The following KCNH1 variants were observed in gnomAD, a reference collection of about 807,000 sequenced individuals.
KCNH1 encodes voltage-gated delayed rectifier potassium channel KCNH1.
Under a neutral mutation model 69.2 loss-of-function variants are expected in KCNH1, and 27 were observed. That is an observed-to-expected ratio of 0.39 (90% CI 0.29 to 0.54). The LOEUF is 0.54. KCNH1 is among the 20% of genes least tolerant of loss of function. KCNH1 has a pLI of 0.68. For missense variants in KCNH1, 798 were observed against 1,261.6 expected, an observed-to-expected ratio of 0.63 and a Z score of 5.57; for synonymous variants, 456 against 487.7, an observed-to-expected ratio of 0.93 and a Z score of 0.86.
At chr1:210,714,644 G>A (rs1182679596) in intron 10 of KCNH1, among the ~76,000 whole-genome samples, 1 of 152,172 alleles carries the variant, frequency 6.6e-6, no homozygotes, top group Non-Finnish European at 1.5e-5. Context: ...GTAACCCATG[G>A]CGCTTGTGTG....
intron 6 of KCNH1, among the ~76,000 whole-genome samples, chr1:210,943,881 A>G (rs1012979565): frequency 1.1e-4 from 16 of 152,342 alleles, no homozygotes; most frequent in South Asian, 1.0e-3. Flanking sequence ...TACCCAGGGC[A>G]GTACCTGTGT....
chr1:210,804,422 A>T (rs1370380876), intron 7 of KCNH1, among the ~76,000 whole-genome samples: 1 of 152,224 alleles, frequency 6.6e-6, no homozygotes, highest in Non-Finnish European at 1.5e-5. Flanking sequence ...GTGAGCTGGC[A>T]TGGCCGGGGC....
chr1:210,750,224 C>T (rs1683253958), intron 10 of KCNH1, among the ~76,000 whole-genome samples: 1 of 152,186 alleles, frequency 6.6e-6, no homozygotes, highest in Non-Finnish European at 1.5e-5. Flanking sequence ...AACAATAATA[C>T]CAACCTCATA....
chr1:210,800,868 A>G (rs1684414240), intron 8 of KCNH1, among the ~76,000 whole-genome samples: 1 of 152,236 alleles, frequency 6.6e-6, no homozygotes, highest in Admixed American at 6.5e-5. Context: ...AGGCGTTAGG[A>G]TCAGGTAGAA....
chr1:210,824,074 T>TATAC (rs1384255102), intron 7 of KCNH1, among the ~76,000 whole-genome samples: 2 of 152,260 alleles, frequency 1.3e-5, no homozygotes, highest in East Asian at 1.9e-4. Flanking sequence ...GTGTTGAGAC[T>TATAC]ATACACATGA....
chr1:211,079,031 G>A (rs928907346), intron 5 of KCNH1, among the ~76,000 whole-genome samples: 11 of 151,808 alleles, frequency 7.2e-5, no homozygotes, highest in African/African-American at 2.7e-4. Flanking sequence ...CCAGGAGCTG[G>A]TTTTTTGAAA....
At chr1:210,862,144 T>A in intron 7 of KCNH1, 1 of 1,332,572 alleles carries the variant, frequency 7.5e-7, no homozygotes, top group Non-Finnish European at 1.1e-6. Flanking sequence ...TAAATCCAGC[T>A]GTTCCGACAT....
chr1:211,084,227 C>T (rs926592022), intron 4 of KCNH1, among the ~76,000 whole-genome samples: 2 of 65,606 alleles, frequency 3.0e-5, no homozygotes, highest in Non-Finnish European at 8.3e-5. Flanking sequence ...GAACTATGAA[C>T]TAAGATTTTT....
chr1:210,841,738 TC>T (rs1685415134), intron 7 of KCNH1, among the ~76,000 whole-genome samples: 1 of 152,126 alleles, frequency 6.6e-6, no homozygotes, highest in Non-Finnish European at 1.5e-5. Context: ...AGTAGGTTTT[TC>T]CCCTGTGTAT....
In KCNH1 at chr1:211,027,568, T is replaced by C. The variant is rs1462304752; in HGVS notation, c.559-8312A>G. ...GGAGTGAGCCATGATCACTCTAGTG[T>C]AGGCAACAAAGTGGGCAACCCTGTC... On this transcript the variant is annotated intron_variant, in intron 5 of 10. Coordinates refer to ENST00000271751, the MANE Select transcript of KCNH1 (RefSeq NM_172362.3). 2.0e-5 allele frequency among the ~76,000 whole-genome samples: 3 copies of C among 150,126 alleles called. No homozygotes were observed. The East Asian group carries it at 5.9e-4, about 30-fold the overall frequency.
At chr1:211,132,664 A>G (rs563532960) in intron 1 of KCNH1, 2 of 152,338 alleles carry the variant, frequency 1.3e-5, no homozygotes, top group African/African-American at 4.8e-5. Flanking sequence ...AAATCCAAAC[A>G]GAAGCTCATC....
At chr1:210,704,663 A>G (rs1470129884) in intron 10 of KCNH1, among the ~76,000 whole-genome samples, 1 of 152,266 alleles carries the variant, frequency 6.6e-6, no homozygotes, top group Non-Finnish European at 1.5e-5. Context: ...GACAAGATCC[A>G]TGGCTCTTCC....
At chr1:210,966,899 A>G (rs1470072083) in intron 6 of KCNH1, among the ~76,000 whole-genome samples, 1 of 152,230 alleles carries the variant, frequency 6.6e-6, no homozygotes, top group Non-Finnish European at 1.5e-5. Flanking sequence ...TCATTCTACT[A>G]TAAAGACACA....
intron 7 of KCNH1, among the ~76,000 whole-genome samples, chr1:210,876,260 G>C (rs1224995692): frequency 1.3e-5 from 2 of 152,174 alleles, no homozygotes; most frequent in Non-Finnish European, 2.9e-5. Flanking sequence ...TGTGGATTCA[G>C]TGATATACAA....
At chr1:211,002,724 A>G (rs891233639) in intron 6 of KCNH1, among the ~76,000 whole-genome samples, 3 of 152,216 alleles carry the variant, frequency 2.0e-5, no homozygotes, top group Non-Finnish European at 2.9e-5. Context: ...CAAACTGAAG[A>G]GTATCAGGAA....
intron 3 of KCNH1, among the ~76,000 whole-genome samples, chr1:211,101,836 C>A (rs1367014371): frequency 1.3e-5 from 2 of 152,210 alleles, no homozygotes; most frequent in African/African-American, 4.8e-5. Flanking sequence ...ATGCCTTACA[C>A]AAAGCTTATT....
chr1:210,954,386 G>C (rs1688127012), intron 6 of KCNH1, among the ~76,000 whole-genome samples: 1 of 152,076 alleles, frequency 6.6e-6, no homozygotes, highest in African/African-American at 2.4e-5. Flanking sequence ...TGTCTTTATA[G>C]TAGAATGATT....
At chr1:210,687,100 G>A (rs910769368) in intron 10 of KCNH1, among the ~76,000 whole-genome samples, 13 of 152,292 alleles carry the variant, frequency 8.5e-5, no homozygotes, top group African/African-American at 3.1e-4. Context: ...CAACATCAAA[G>A]GTCAGGGGCA....
intron 5 of KCNH1, among the ~76,000 whole-genome samples, chr1:211,021,815 TG>T (rs748886793): frequency 1.3e-5 from 2 of 151,768 alleles, no homozygotes; most frequent in Non-Finnish European, 2.9e-5. Context: ...TATAAAACAC[TG>T]AGATAAGAAA....
Sources: gnomAD v4.1 joint callset for allele counts (sites outside exome capture counted in the v4.1 genomes callset) on GRCh38, gnomAD v4.1.1 for gene constraint, MANE v1.5 for transcripts, NCBI Gene and HGNC (gene_info 2026-07-23, HGNC 2026-07-21) for gene names.